Variants in ADGRB3 observed in about 807,000 individuals in gnomAD.
The protein encoded by ADGRB3 is brain-specific angiogenesis inhibitor 3.
ADGRB3 carries 37 observed loss-of-function variants against 193.4 expected under a neutral mutation model. That is an observed-to-expected ratio of 0.19 (90% CI 0.15 to 0.25). ADGRB3 has a LOEUF of 0.25. ADGRB3 is among the 10% of genes least tolerant of loss of function. ADGRB3 has a pLI of 1.00. For missense variants in ADGRB3, 1,637 were observed against 1,852.9 expected, an observed-to-expected ratio of 0.88 and a Z score of 2.14; for synonymous variants, 690 against 644.2, an observed-to-expected ratio of 1.07 and a Z score of -1.08.
rs190042950 is a variant in ADGRB3 at position 69,384,128 on chromosome 6, T to C, written c.4380+1193T>C. Among the ~76,000 whole-genome samples the C allele has an allele frequency of 2.8e-3, 427 of 152,172 alleles. 2 individuals carry two copies. Among genetic ancestry groups the C allele is most frequent in the Non-Finnish European group, 4.4e-3 (300 of 67,954 alleles). On this transcript the variant is annotated intron_variant, in intron 31 of 31. Transcript: ENST00000370598. ...TTGTGATAAGTTATCATGGCTTCTA[T>C]TGATTTATAGCATGGCTATGATCAT...
intron 3 of ADGRB3, among the ~76,000 whole-genome samples, chr6:68,851,214 T>G (rs1768393072): frequency 6.6e-6 from 1 of 151,804 alleles, no homozygotes; most frequent in Non-Finnish European, 1.5e-5. Flanking sequence ...CATGCATATT[T>G]TCTTTCTCTT....
chr6:68,812,734 TTACATAGTTA>T (rs537608126), intron 3 of ADGRB3, among the ~76,000 whole-genome samples: 217 of 152,178 alleles, frequency 1.4e-3, no homozygotes, highest in African/African-American at 5.1e-3. Flanking sequence ...TGCAGGTTTG[TTACATAGTTA>T]TACACGTGCC....
At chr6:68,647,179 A>C (rs995894264) in intron 3 of ADGRB3, among the ~76,000 whole-genome samples, 13 of 152,298 alleles carry the variant, frequency 8.5e-5, no homozygotes, top group Non-Finnish European at 1.3e-4. Flanking sequence ...AATTGAAATA[A>C]ATTTTCACTG....
chr6:68,873,050 A>G (rs1765504115), intron 3 of ADGRB3, among the ~76,000 whole-genome samples: 2 of 152,136 alleles, frequency 1.3e-5, no homozygotes, highest in Admixed American at 6.6e-5. Flanking sequence ...AAGTTCCACA[A>G]ACCCAAAAAC....
intron 20 of ADGRB3, among the ~76,000 whole-genome samples, chr6:69,247,668 C>A (rs1352804503): frequency 1.3e-5 from 2 of 152,188 alleles, no homozygotes; most frequent in Admixed American, 6.5e-5. Flanking sequence ...TCCTGATCAA[C>A]CCTGCTCACT....
chr6:69,358,856 G>A (rs554300388), intron 28 of ADGRB3, among the ~76,000 whole-genome samples: 1 of 151,764 alleles, frequency 6.6e-6, no homozygotes, highest in Non-Finnish European at 1.5e-5. Context: ...CTAAGAGGCA[G>A]GCATTTCTCT....
At chr6:69,104,327 G>A (rs890984453) in intron 17 of ADGRB3, among the ~76,000 whole-genome samples, 22 of 151,262 alleles carry the variant, frequency 1.5e-4, no homozygotes, top group South Asian at 8.4e-4. Flanking sequence ...GAGAATGATG[G>A]TTTCCAATTT....
chr6:69,375,687 C>T (rs898911608), intron 30 of ADGRB3, among the ~76,000 whole-genome samples: 2 of 152,088 alleles, frequency 1.3e-5, no homozygotes, highest in African/African-American at 4.8e-5. Context: ...AACACAATTA[C>T]AGGCATTCAT....
chr6:69,108,694 T>C lies in ADGRB3; in HGVS notation c.2480+32656T>C, dbSNP rs1377462048. Among the ~76,000 whole-genome samples the C allele has an allele frequency of 2.0e-4, 31 of 151,974 alleles. 1 individual carries two copies. Among genetic ancestry groups the C allele is most frequent in the Admixed American group, 2.0e-3 (31 of 15,248 alleles). ...GAAGACATTTTTTTAGTAAGTAAAA[T>C]CAGGTTGAGGCTTGGATGACAGGCA... On this transcript the variant is annotated intron_variant, in intron 17 of 31. Transcript: ENST00000370598.
intron 3 of ADGRB3, among the ~76,000 whole-genome samples, chr6:68,729,514 G>A (rs946142232): frequency 6.6e-6 from 1 of 151,478 alleles, no homozygotes; most frequent in African/African-American, 2.4e-5. Flanking sequence ...GATCAGATCC[G>A]GAGAGATTTC....
At chr6:68,971,666 A>G (rs1481232414) in intron 8 of ADGRB3, among the ~76,000 whole-genome samples, 2 of 152,232 alleles carry the variant, frequency 1.3e-5, no homozygotes, top group Admixed American at 6.5e-5. Flanking sequence ...GGATGACTGT[A>G]TGTGTTCCTA....
intron 17 of ADGRB3, among the ~76,000 whole-genome samples, chr6:69,219,784 T>A (rs1171405591): frequency 6.6e-6 from 1 of 151,884 alleles, no homozygotes; most frequent in East Asian, 1.9e-4. Context: ...TATGCATTCT[T>A]ATCACCAAGA....
intron 20 of ADGRB3, among the ~76,000 whole-genome samples, chr6:69,313,145 A>C (rs950478538): frequency 2.0e-5 from 3 of 151,864 alleles, no homozygotes; most frequent in Non-Finnish European, 2.9e-5. Flanking sequence ...TCCTGGATGC[A>C]CATTAGAATC....
chr6:68,691,456 A>C (rs1765071174), intron 3 of ADGRB3, among the ~76,000 whole-genome samples: 1 of 151,972 alleles, frequency 6.6e-6, no homozygotes, highest in African/African-American at 2.4e-5. Flanking sequence ...GGCTAGCGGC[A>C]ACTTATATGC....
At chr6:69,043,793 G>A (rs1188140770) in intron 13 of ADGRB3, among the ~76,000 whole-genome samples, 1 of 152,156 alleles carries the variant, frequency 6.6e-6, no homozygotes, top group Admixed American at 6.5e-5. Flanking sequence ...TTGCTCAGTC[G>A]CACAACTTAT....
At chr6:69,169,427 T>TATAATA (rs1775215696) in intron 17 of ADGRB3, among the ~76,000 whole-genome samples, 1 of 151,572 alleles carries the variant, frequency 6.6e-6, no homozygotes, top group Non-Finnish European at 1.5e-5. Context: ...TTCAGAACAC[T>TATAATA]ATAGTTACAA....
At chr6:69,357,406 T>C (rs2127329665) in intron 28 of ADGRB3, among the ~76,000 whole-genome samples, 1 of 152,178 alleles carries the variant, frequency 6.6e-6, no homozygotes. Context: ...ATTTTACCAA[T>C]TTCAGGTTAG....
At chr6:69,194,298 ACTT>A (rs1275379667) in intron 17 of ADGRB3, among the ~76,000 whole-genome samples, 1 of 152,044 alleles carries the variant, frequency 6.6e-6, no homozygotes, top group African/African-American at 2.4e-5. Flanking sequence ...TACAGCAGGG[ACTT>A]CTTTTCCCCA....
chr6:69,258,739 A>G (rs1766836797), intron 20 of ADGRB3, among the ~76,000 whole-genome samples: 1 of 152,242 alleles, frequency 6.6e-6, no homozygotes, highest in Non-Finnish European at 1.5e-5. Context: ...GTGGTTCCCA[A>G]CAAGAGTAAA....
Sources: allele counts gnomAD v4.1 joint callset (sites outside exome capture counted in the v4.1 genomes callset), GRCh38; gene constraint gnomAD v4.1.1; transcripts MANE v1.5; gene names NCBI Gene and HGNC (gene_info 2026-07-23, HGNC 2026-07-21).